The following TMED6 variants were observed in gnomAD, a reference collection of about 807,000 sequenced individuals.
TMED6 encodes the protein transmembrane p24 trafficking protein 6.
A neutral mutation model predicts 26.5 loss-of-function variants in TMED6; 17 were observed. The ratio of observed to expected loss-of-function variants is 0.64; its 90% CI spans 0.44 to 0.96. TMED6 has a LOEUF of 0.96. TMED6 is among the 40% of genes least tolerant of loss of function. The pLI is 0.00. For synonymous variants in TMED6, 107 were observed against 106.2 expected (o/e 1.01, Z -0.04); for missense variants, 309 against 296.5 (o/e 1.04, Z -0.31).
chr16:69,345,723 A>G (rs958546044), intron 3 of TMED6, among the ~76,000 whole-genome samples: 16 of 145,962 alleles, frequency 1.1e-4, no homozygotes, highest in Non-Finnish European at 2.0e-4. Context: ...TGGGCAAAGG[A>G]TTTTCATTTT....
intron 3 of TMED6, among the ~76,000 whole-genome samples, chr16:69,343,963 G>C (rs2012635494): frequency 6.6e-6 from 1 of 151,942 alleles, no homozygotes; most frequent in African/African-American, 2.4e-5. Flanking sequence ...CTAGTAGCTG[G>C]GACTACAGGC....
rs116471185 is a variant in TMED6 at position 69,346,173 on chromosome 16, A to G, written c.489+1615T>C. Among the ~76,000 whole-genome samples the G allele has an allele frequency of 4.9e-3, 751 of 152,368 alleles. 4 individuals are homozygous for G. Among genetic ancestry groups the G allele is most frequent in the African/African-American group, 0.018 (732 of 41,588 alleles). On this transcript the variant is annotated intron_variant, in intron 3 of 3. Coordinates refer to ENST00000288025, the MANE Select transcript of TMED6 (RefSeq NM_144676.4). ...AGGAAGTAGAGAAATTAGAACCTTC[A>G]TACACTGCTAGCAAGAGTTTAAAAT...
intron 3 of TMED6, 137 bp downstream of exon 3, chr16:69,347,651 T>C: frequency 2.3e-6 from 3 of 1,294,684 alleles, no homozygotes; most frequent in Non-Finnish European, 3.2e-6. Context: ...TGAGCCACCG[T>C]GCCCAGCCAA....
chr16:69,344,878 C>T (rs2012658421), intron 3 of TMED6, among the ~76,000 whole-genome samples: 1 of 151,350 alleles, frequency 6.6e-6, no homozygotes, highest in African/African-American at 2.4e-5. Context: ...CACCTGAAGT[C>T]AGGAGTTCAA....
intron 1 of TMED6, among the ~76,000 whole-genome samples, chr16:69,350,081 C>G (rs1485311891): frequency 3.3e-5 from 5 of 151,910 alleles, no homozygotes; most frequent in Non-Finnish European, 7.4e-5. Flanking sequence ...ACCAGCCTGG[C>G]TAACATGGTG....
chr16:69,344,085 G>A (rs2012639079), intron 3 of TMED6, among the ~76,000 whole-genome samples: 1 of 151,926 alleles, frequency 6.6e-6, no homozygotes, highest in African/African-American at 2.4e-5. Context: ...CACCCACACT[G>A]GCCTCCCAAA....
At chr16:69,351,476 C>G (rs2012774518) in intron 1 of TMED6, 65 bp downstream of exon 1, 4 of 1,521,232 alleles carry the variant, frequency 2.6e-6, no homozygotes, top group Non-Finnish European at 3.6e-6. Context: ...GGCCTAAAAC[C>G]TGACCCACTT....
intron 2 of TMED6, among the ~76,000 whole-genome samples, chr16:69,349,142 T>C (rs2142683552): frequency 6.6e-6 from 1 of 152,376 alleles, no homozygotes. Context: ...GTTCTGAATC[T>C]GCTTTTAGTA....
At chr16:69,349,430 C>T in intron 2 of TMED6, 95 bp downstream of exon 2, 1 of 1,437,728 alleles carries the variant, frequency 7.0e-7, no homozygotes, top group South Asian at 1.3e-5. Flanking sequence ...GAATTTTTTT[C>T]CTACTGTTAA....
chr16:69,343,359 CGACTAAGCCCCAGAA>C lies in TMED6; in HGVS notation c.*33_*47del, dbSNP rs548236907. ...GTCCCATAACATTACAAAGCTGATTCGACTAAGCCCCAGAAGAAAACAGCCAGGGTGCTATAGTCA... is the reference window on the plus strand; with the variant it reads ...GTCCCATAACATTACAAAGCTGATTCGAAAACAGCCAGGGTGCTATAGTCA... On this transcript the variant is annotated 3_prime_UTR_variant, in exon 4 of 4. Transcript: ENST00000288025. The C allele has an allele frequency of 1.9e-4, 284 of 1,503,718 alleles. 2 individuals are homozygous for C. The South Asian group carries it at 3.2e-3, about 17-fold the overall frequency. The allele number at this position is 1,503,718 out of a possible 1,614,324, so 93.1% of individuals were successfully genotyped here.
At chr16:69,348,561 G>A (rs1638727082) in intron 2 of TMED6, among the ~76,000 whole-genome samples, 1 of 152,030 alleles carries the variant, frequency 6.6e-6, no homozygotes, top group African/African-American at 2.4e-5. Context: ...GTGTGGCAGT[G>A]TTTGAAAGTC....
At chr16:69,345,233 C>G (rs1220047044) in intron 3 of TMED6, among the ~76,000 whole-genome samples, 1 of 151,308 alleles carries the variant, frequency 6.6e-6, no homozygotes, top group Non-Finnish European at 1.5e-5. Context: ...GCCAAGATCA[C>G]GCCACTGCAC....
intron 3 of TMED6, among the ~76,000 whole-genome samples, chr16:69,345,095 AT>A (rs1487969210): frequency 6.7e-6 from 1 of 149,794 alleles, no homozygotes; most frequent in African/African-American, 2.4e-5. Flanking sequence ...TCTCAAAAAA[AT>A]ATAAATAAAT....
chr16:69,347,420 G>A (rs2012703198), intron 3 of TMED6, among the ~76,000 whole-genome samples: 2 of 152,186 alleles, frequency 1.3e-5, no homozygotes, highest in African/African-American at 2.4e-5. Context: ...GTGTAGTGGC[G>A]TGATCTCGGC....
At chr16:69,349,768 C>G in intron 1 of TMED6, 117 bp from the exon 2 acceptor site, 1 of 1,315,394 alleles carries the variant, frequency 7.6e-7, no homozygotes, top group Non-Finnish European at 1.0e-6. Flanking sequence ...TGGGGTGGGA[C>G]TGCCCAACCC....
chr16:69,349,722 T>A, intron 1 of TMED6, 71 bp from the exon 2 acceptor site: 4 of 1,569,774 alleles, frequency 2.5e-6, no homozygotes, highest in Non-Finnish European at 3.5e-6. Flanking sequence ...GTGGTAAGAT[T>A]GACGTCCCAC....
intron 3 of TMED6, among the ~76,000 whole-genome samples, chr16:69,345,241 C>T (rs895140596): frequency 6.6e-6 from 1 of 151,716 alleles, no homozygotes; most frequent in Non-Finnish European, 1.5e-5. Context: ...CACGCCACTG[C>T]ACTCCAGCCT....
chr16:69,343,593 G>C lies in TMED6; in HGVS notation c.537C>G (p.Tyr179Ter), dbSNP rs1171927795. 8 of 1,614,190 alleles carry C rather than the reference G, an allele frequency of 5.0e-6. No homozygotes were observed. Among genetic ancestry groups the C allele is most frequent in the Non-Finnish European group, 6.8e-6 (8 of 1,180,032 alleles). The change falls in exon 4 of 4, where the codon TAC (tyrosine) becomes TAG (stop). Residue 179 changes from tyrosine to a stop codon, truncating the protein, a stop_gained. Coordinates refer to ENST00000288025, the MANE Select transcript of TMED6 (RefSeq NM_144676.4). LOFTEE classifies it high-confidence loss of function. ...TTTTCCTCATCCGGGCAAAGTTGTA[G>C]TATCGCCACATGTGAAAGATATTGT... ...VQNNIFHMWR[Y>*]YNFARMRKMA...
chr16:69,345,678 C>CAAAAAAAAAAAAAAAAAAAAAAA, intron 3 of TMED6, among the ~76,000 whole-genome samples: 1 of 43,438 alleles, frequency 2.3e-5, no homozygotes, highest in Non-Finnish European at 4.2e-5. Context: ...CTGACTCTCT[C>CAAAAAAAAAAAAAAAAAAAAAAA]AAAAAAAAAA....
Sources: allele counts gnomAD v4.1 joint callset (sites outside exome capture counted in the v4.1 genomes callset), GRCh38; gene constraint gnomAD v4.1.1; transcripts MANE v1.5; gene names NCBI Gene and HGNC (gene_info 2026-07-23, HGNC 2026-07-21).